The following LYPLAL1 variants were observed in gnomAD, a reference collection of about 807,000 sequenced individuals.
LYPLAL1 encodes lysophospholipase-like protein 1.
A neutral mutation model predicts 19.7 loss-of-function variants in LYPLAL1; 23 were observed. That is an observed-to-expected ratio of 1.17 (90% CI 0.84 to 1.65). LYPLAL1 has a LOEUF of 1.65. Ranked by LOEUF, LYPLAL1 falls within the 40% of genes most tolerant of loss-of-function variation. LYPLAL1 has a pLI of 0.00. For synonymous variants in LYPLAL1, 119 were observed against 96.3 expected, an observed-to-expected ratio of 1.24 and a Z score of -1.38; for missense variants, 355 against 279.4, an observed-to-expected ratio of 1.27 and a Z score of -1.93.
intron 3 of LYPLAL1, chr1:219,198,900 A>G (rs1282279243): frequency 6.6e-6 from 1 of 152,172 alleles, no homozygotes; most frequent in Non-Finnish European, 1.5e-5. Context: ...CATCAAATAC[A>G]GAGGTTGTTC....
the LYPLAL1 span, among the ~76,000 whole-genome samples, chr1:219,278,735 C>A: frequency 6.6e-6 from 1 of 151,736 alleles, no homozygotes; most frequent in Non-Finnish European, 1.5e-5. Flanking sequence ...GAAAGAAGGG[C>A]GGACACCCTG....
At chr1:219,181,663 T>C (rs1174192918) in intron 2 of LYPLAL1, among the ~76,000 whole-genome samples, 1 of 152,158 alleles carries the variant, frequency 6.6e-6, no homozygotes, top group Non-Finnish European at 1.5e-5. Flanking sequence ...GACCATTTGG[T>C]CTTCCATGGG....
At chr1:219,380,495 G>A in the LYPLAL1 span, among the ~76,000 whole-genome samples, 1 of 152,222 alleles carries the variant, frequency 6.6e-6, no homozygotes, top group African/African-American at 2.4e-5. Context: ...GCATCCCAAG[G>A]GAAGTGTGAT....
chr1:219,278,539 G>A, the LYPLAL1 span, among the ~76,000 whole-genome samples: 1 of 152,156 alleles, frequency 6.6e-6, no homozygotes, highest in African/African-American at 2.4e-5. Context: ...AAGTGATGGG[G>A]CTGGGGTTTG....
chr1:219,315,584 A>C, the LYPLAL1 span, among the ~76,000 whole-genome samples: 1 of 152,172 alleles, frequency 6.6e-6, no homozygotes. Flanking sequence ...TCTTGGTAAA[A>C]TATGAAAATG....
At chr1:219,255,932 A>G in the LYPLAL1 span, among the ~76,000 whole-genome samples, 2 of 151,816 alleles carry the variant, frequency 1.3e-5, no homozygotes, top group Non-Finnish European at 1.5e-5. Flanking sequence ...CCATTTTACC[A>G]TCATATATGA....
At chr1:219,198,981 T>C (rs888234860) in intron 3 of LYPLAL1, among the ~76,000 whole-genome samples, 5 of 151,740 alleles carry the variant, frequency 3.3e-5, no homozygotes, top group African/African-American at 9.8e-5. Flanking sequence ...TATATCATAA[T>C]ATATGTGGCA....
At chr1:219,227,247 A>T in the LYPLAL1 span, among the ~76,000 whole-genome samples, 201 of 152,276 alleles carry the variant, frequency 1.3e-3, 1 homozygote, top group Middle Eastern at 6.8e-3. Context: ...TCCATTCGAG[A>T]AAAAAAGTCT....
At chr1:219,230,190 G>A in the LYPLAL1 span, among the ~76,000 whole-genome samples, 1 of 152,166 alleles carries the variant, frequency 6.6e-6, no homozygotes, top group Non-Finnish European at 1.5e-5. Context: ...TCAGCTCACT[G>A]CAACCTCCGC....
chr1:219,254,297 A>T, the LYPLAL1 span, among the ~76,000 whole-genome samples: 1 of 151,958 alleles, frequency 6.6e-6, no homozygotes, highest in South Asian at 2.1e-4. Flanking sequence ...TTAGTACTGA[A>T]TGTATGAATT....
chr1:219,279,877 G>A, the LYPLAL1 span, among the ~76,000 whole-genome samples: 1 of 151,860 alleles, frequency 6.6e-6, no homozygotes, highest in Non-Finnish European at 1.5e-5. Context: ...TAAAGGAAAA[G>A]ACTCCAAAAT....
the LYPLAL1 span, chr1:219,436,979 AG>A: frequency 6.6e-6 from 1 of 152,184 alleles, no homozygotes; most frequent in Non-Finnish European, 1.5e-5. Context: ...TTGATATATT[AG>A]ACAACACAGA....
At chr1:219,210,771 C>A in intron 4 of LYPLAL1, 124 bp downstream of exon 4, 1 of 847,982 alleles carries the variant, frequency 1.2e-6, no homozygotes, top group Non-Finnish European at 1.7e-6. Context: ...TATGGATTGA[C>A]CATTCCTGGA....
rs543274867 is a variant in LYPLAL1, at chr1:219,179,075, A to C, written c.92-72A>C. On this transcript the variant is annotated intron_variant, in intron 1 of 4. Coordinates refer to ENST00000366928, the MANE Select transcript of LYPLAL1 (RefSeq NM_138794.5). ...TATTCCATCCTCTGTGTGACATAAA[A>C]GTTTTAGACTGCTTTGAAATGCATT... 5 of 1,015,952 alleles carry C rather than the reference A, an allele frequency of 4.9e-6. No homozygotes were observed. In the African/African-American group the frequency reaches 5.0e-5, roughly 10 times the overall value. 62.9% of individuals were successfully genotyped at this position (1,015,952 alleles called of 1,614,324 possible).
the LYPLAL1 span, among the ~76,000 whole-genome samples, chr1:219,346,929 A>C: frequency 6.6e-6 from 1 of 152,232 alleles, no homozygotes; most frequent in Admixed American, 6.5e-5. Context: ...TATTTTAACA[A>C]ACACCAAAAC....
the LYPLAL1 span, among the ~76,000 whole-genome samples, chr1:219,373,940 A>C: frequency 6.6e-6 from 1 of 151,870 alleles, no homozygotes; most frequent in Non-Finnish European, 1.5e-5. Context: ...AAAAAAATAA[A>C]ACCAAACCAA....
Position 219,211,722 on chromosome 1 carries a change from A to C in LYPLAL1, c.708A>C (p.Gln236His). The change falls in exon 5 of 5, where the codon CAA becomes CAC. Residue 236 changes from glutamine to histidine, a missense_variant. Physicochemically the swap from Gln to His is conservative, Grantham distance 24 (BLOSUM62 0). Transcript: ENST00000366928. The stretch of plus-strand genomic sequence containing the variant: ...AGCTGCCAGGAGAAATGGAAAAACA[A>C]AAATGAATGAATCAAGAGTGATTTG... ...LTKLPGEMEK[Q>H]K 6.3e-7 allele frequency: 1 copy of C among 1,592,924 alleles called. No homozygotes were observed. The highest frequency in any genetic ancestry group is 1.1e-5 in the South Asian group (1 of 89,150).
At chr1:219,388,925 C>A in the LYPLAL1 span, among the ~76,000 whole-genome samples, 3 of 152,088 alleles carry the variant, frequency 2.0e-5, no homozygotes, top group Admixed American at 6.6e-5. Context: ...TGGTTTGCAA[C>A]TTCTTAATAG....
the LYPLAL1 span, among the ~76,000 whole-genome samples, chr1:219,321,308 T>C: frequency 6.6e-6 from 1 of 152,238 alleles, no homozygotes; most frequent in African/African-American, 2.4e-5. Context: ...TTCTTGTAAA[T>C]TTGTTTAAAT....
Sources: gnomAD v4.1 joint callset for allele counts (sites outside exome capture counted in the v4.1 genomes callset) on GRCh38, gnomAD v4.1.1 for gene constraint, MANE v1.5 for transcripts, NCBI Gene and HGNC (gene_info 2026-07-23, HGNC 2026-07-21) for gene names.